EYS: variants seen among roughly 807,000 people sequenced by gnomAD.
EYS encodes protein eyes shut homolog.
EYS carries 250 observed loss-of-function variants against 282.1 expected under a neutral mutation model. That is an observed-to-expected ratio of 0.89 (90% CI 0.80 to 0.98). The LOEUF (loss-of-function observed/expected upper bound fraction) is 0.98, where lower values mean the gene tolerates loss of function less well. Ranked by LOEUF, EYS falls within the 50% of genes least tolerant of loss-of-function variation. The pLI, the probability that EYS is intolerant of heterozygous loss-of-function variation, is 0.00. For missense variants in EYS, 4,016 were observed against 3,709.0 expected (o/e 1.08, Z -2.15); for synonymous variants, 1,355 against 1,282.9 (o/e 1.06, Z -1.20).
intron 41 of EYS, chr6:63,741,773 T>C: frequency 1.8e-6 from 1 of 570,918 alleles, no homozygotes; most frequent in South Asian, 2.2e-5. Context: ...CCGTTCAATC[T>C]GAATCAAACT....
At chr6:64,131,099 T>C (rs1003430802) in intron 31 of EYS, among the ~76,000 whole-genome samples, 1 of 120,828 alleles carries the variant, frequency 8.3e-6, no homozygotes, top group Non-Finnish European at 1.7e-5. Context: ...AACTCTTGAC[T>C]TCGTGATCCT....
At chr6:64,327,025 G>A (rs1487219283) in intron 29 of EYS, among the ~76,000 whole-genome samples, 2 of 152,136 alleles carry the variant, frequency 1.3e-5, no homozygotes, top group Middle Eastern at 3.2e-3. Context: ...CCACGAGTCA[G>A]AAAGGAAAAC....
intron 12 of EYS, among the ~76,000 whole-genome samples, chr6:65,180,210 G>A (rs1357916345): frequency 1.3e-5 from 2 of 151,770 alleles, no homozygotes; most frequent in African/African-American, 2.4e-5. Context: ...GGCCAGGGAA[G>A]TCAGGCAGGA....
In EYS at chr6:63,788,257, A is replaced by G; in HGVS notation, c.7579-8T>C. ...ATTTTTATGATCATCTACCTTCGAAAGGGAAAAAAAACCTATTAAAAAAGG... is the reference window on the plus strand; with the variant it reads ...ATTTTTATGATCATCTACCTTCGAAGGGGAAAAAAAACCTATTAAAAAAGG... On this transcript the variant is annotated splice_region_variant and splice_polypyrimidine_tract_variant and intron_variant, in intron 38 of 42. Transcript: ENST00000503581. The G allele has an allele frequency of 6.6e-7, 1 of 1,523,604 alleles. No individual in the cohort carries two copies. Among genetic ancestry groups the G allele is most frequent in the South Asian group, 1.3e-5 (1 of 77,474 alleles). 94.4% of individuals were successfully genotyped at this position (1,523,604 alleles called of 1,614,324 possible).
In EYS at chr6:65,285,584, G is replaced by T. The variant is rs1452705129; in HGVS notation, c.2023+10279C>A. On this transcript the variant is annotated intron_variant, in intron 12 of 42. Coordinates refer to ENST00000503581, the MANE Select transcript of EYS (RefSeq NM_001142800.2). ...TCATAAAAAAGATCATTTTGGAAAG[G>T]TACTTTCCTTCAGCAGCTTTTGGAG... 1.2e-4 allele frequency among the ~76,000 whole-genome samples: 18 copies of T among 151,856 alleles called. 1 individual carries two copies. The South Asian group carries it at 3.1e-3, about 26-fold the overall frequency.
intron 35 of EYS, among the ~76,000 whole-genome samples, chr6:63,943,068 A>G (rs1765290559): frequency 6.6e-6 from 1 of 152,226 alleles, no homozygotes; most frequent in Non-Finnish European, 1.5e-5. Flanking sequence ...TCTGGTCAAC[A>G]GTAAGCTATT....
chr6:64,935,045 G>T (rs1211229709), intron 15 of EYS, among the ~76,000 whole-genome samples: 1 of 151,634 alleles, frequency 6.6e-6, no homozygotes, highest in Non-Finnish European at 1.5e-5. Flanking sequence ...CAATATTTTT[G>T]CACAGTGTTA....
intron 19 of EYS, among the ~76,000 whole-genome samples, chr6:64,829,577 A>G (rs1187706364): frequency 1.3e-5 from 2 of 151,992 alleles, no homozygotes; most frequent in African/African-American, 4.8e-5. Flanking sequence ...AACAAAGCAT[A>G]GTAGCAATCA....
intron 35 of EYS, among the ~76,000 whole-genome samples, chr6:63,950,008 C>A (rs943446576): frequency 6.6e-6 from 1 of 152,050 alleles, no homozygotes; most frequent in Non-Finnish European, 1.5e-5. Context: ...CTCATCTCTA[C>A]TAAAAATACA....
intron 31 of EYS, among the ~76,000 whole-genome samples, chr6:64,115,988 G>A (rs549078501): frequency 7.9e-5 from 12 of 151,650 alleles, no homozygotes; most frequent in Non-Finnish European, 1.8e-4. Flanking sequence ...TGAGCTACAA[G>A]AAAACATAGG....
chr6:65,603,602 AC>A (rs1472545441), intron 2 of EYS, among the ~76,000 whole-genome samples: 26 of 152,128 alleles, frequency 1.7e-4, no homozygotes, highest in African/African-American at 6.3e-4. Context: ...ACTTTATAAT[AC>A]ATATCACACT....
chr6:64,749,970 T>C (rs1772689792), intron 22 of EYS, among the ~76,000 whole-genome samples: 1 of 152,148 alleles, frequency 6.6e-6, no homozygotes, highest in South Asian at 2.1e-4. Context: ...ATTAGAAGTA[T>C]TATAATTTCT....
intron 31 of EYS, among the ~76,000 whole-genome samples, chr6:64,131,126 C>A (rs1009224975): frequency 6.6e-6 from 1 of 152,046 alleles, no homozygotes; most frequent in Non-Finnish European, 1.5e-5. Context: ...CTTGGCCTCC[C>A]AAAGTGCTGG....
At chr6:64,685,586 T>G (rs185122173) in intron 22 of EYS, among the ~76,000 whole-genome samples, 237 of 152,304 alleles carry the variant, frequency 1.6e-3, no homozygotes, top group African/African-American at 4.9e-3. Context: ...ATGTGATCTC[T>G]GCACCTGCTG....
At chr6:63,818,795 C>T (rs1771246671) in intron 36 of EYS, among the ~76,000 whole-genome samples, 1 of 152,174 alleles carries the variant, frequency 6.6e-6, no homozygotes, top group African/African-American at 2.4e-5. Flanking sequence ...ACCTAACTAA[C>T]CCCACCTGAC....
intron 35 of EYS, among the ~76,000 whole-genome samples, chr6:63,977,692 C>T (rs1766903983): frequency 6.6e-6 from 1 of 151,962 alleles, no homozygotes; most frequent in Non-Finnish European, 1.5e-5. Context: ...TGTGAGGACT[C>T]CTGCATGTAT....
At chr6:65,455,837 T>A (rs996749325) in intron 5 of EYS, among the ~76,000 whole-genome samples, 1 of 152,062 alleles carries the variant, frequency 6.6e-6, no homozygotes, top group Non-Finnish European at 1.5e-5. Flanking sequence ...GAAGAATTAA[T>A]AGTAATTTTC....
At chr6:64,469,833 G>A (rs1776053821) in intron 26 of EYS, among the ~76,000 whole-genome samples, 3 of 152,138 alleles carry the variant, frequency 2.0e-5, no homozygotes, top group Admixed American at 6.6e-5. Context: ...CTGTGCTTCA[G>A]TGGTCACGCT....
chr6:65,425,057 C>T (rs548460953), intron 5 of EYS, among the ~76,000 whole-genome samples: 2 of 152,120 alleles, frequency 1.3e-5, no homozygotes, highest in East Asian at 1.9e-4. Flanking sequence ...AGTACCAAAG[C>T]GCTCCTTTGA....
Sources: allele counts gnomAD v4.1 joint callset (sites outside exome capture counted in the v4.1 genomes callset), GRCh38; gene constraint gnomAD v4.1.1; transcripts MANE v1.5; gene names NCBI Gene and HGNC (gene_info 2026-07-23, HGNC 2026-07-21).